Variants in MBTPS1 observed in about 807,000 individuals in gnomAD.
MBTPS1 encodes membrane-bound transcription factor site-1 protease.
In MBTPS1, 94 loss-of-function variants were observed where a neutral mutation model predicts 127.8. The observed-to-expected ratio is 0.74, with a 90% CI of 0.62 to 0.87. The LOEUF (loss-of-function observed/expected upper bound fraction) is 0.87. Among genes scored for constraint, MBTPS1 ranks in the 40% least tolerant of loss-of-function variants. MBTPS1 has a pLI of 0.00. For synonymous variants in MBTPS1, 632 were observed against 509.4 expected (o/e 1.24, Z -3.24); for missense variants, 1,636 against 1,353.2 (o/e 1.21, Z -3.28).
intron 1 of MBTPS1, among the ~76,000 whole-genome samples, chr16:84,114,666 C>T (rs1049994608): frequency 1.8e-4 from 27 of 151,644 alleles, no homozygotes; most frequent in Non-Finnish European, 2.8e-4. Context: ...CCCGTCTCTA[C>T]TAAAAATACA....
intron 19 of MBTPS1, among the ~76,000 whole-genome samples, chr16:84,062,070 C>T (rs185487192): frequency 3.9e-5 from 6 of 152,268 alleles, no homozygotes; most frequent in African/African-American, 1.4e-4. Flanking sequence ...GGAAATAAAA[C>T]ATTAACCTCC....
intron 4 of MBTPS1, among the ~76,000 whole-genome samples, chr16:84,094,483 T>C (rs2086152679): frequency 6.6e-6 from 1 of 152,136 alleles, no homozygotes; most frequent in African/African-American, 2.4e-5. Flanking sequence ...GAAATACAAC[T>C]GGCCTGTCTG....
intron 8 of MBTPS1, among the ~76,000 whole-genome samples, chr16:84,090,129 G>C (rs2086083265): frequency 6.6e-6 from 1 of 152,058 alleles, no homozygotes; most frequent in Non-Finnish European, 1.5e-5. Flanking sequence ...GCTTCACCTT[G>C]TCTTATGCCC....
chr16:84,086,793 A>AT (rs1283064263), intron 9 of MBTPS1, among the ~76,000 whole-genome samples: 1 of 152,148 alleles, frequency 6.6e-6, no homozygotes, highest in Non-Finnish European at 1.5e-5. Flanking sequence ...CGAGCGTCTA[A>AT]TTTTTCATCA....
At chr16:84,081,515 G>C (rs545032615) in intron 11 of MBTPS1, 4 of 340,366 alleles carry the variant, frequency 1.2e-5, no homozygotes, top group South Asian at 3.0e-4. Flanking sequence ...AAACCACTCA[G>C]AAATCATTAC....
At chr16:84,078,757 G>A (rs191378604) in intron 11 of MBTPS1, among the ~76,000 whole-genome samples, 3 of 152,300 alleles carry the variant, frequency 2.0e-5, no homozygotes, top group Admixed American at 2.0e-4. Flanking sequence ...TTTCCAGGAC[G>A]TTAAGTGAAA....
intron 19 of MBTPS1, among the ~76,000 whole-genome samples, chr16:84,062,846 A>G (rs2085633536): frequency 6.6e-6 from 1 of 152,220 alleles, no homozygotes; most frequent in Admixed American, 6.5e-5. Flanking sequence ...AAAGGCTAAG[A>G]AAAGCCCGAA....
intron 5 of MBTPS1, among the ~76,000 whole-genome samples, 185 bp downstream of exon 5, chr16:84,093,526 C>G (rs2086138761): frequency 6.6e-6 from 1 of 152,186 alleles, no homozygotes; most frequent in Non-Finnish European, 1.5e-5. Flanking sequence ...CCAGGCATGC[C>G]CACTCTCTCC....
At position 84,106,663 on chromosome 16, in the gene MBTPS1, G is replaced by A. The variant is rs148704010; in HGVS notation, c.-324-4556C>T. On this transcript the variant is annotated intron_variant, in intron 1 of 22. Transcript: ENST00000343411. ...TCAGCTTTGATTCTGACTGGGAAGA[G>A]AAAGCATGAGGCAGTCCTGAGCACG... Among the ~76,000 whole-genome samples, 133 of 152,334 alleles carry A rather than the reference G, an allele frequency of 8.7e-4. 2 individuals are homozygous for A. Among genetic ancestry groups the A allele is most frequent in the African/African-American group, 2.9e-3 (122 of 41,578 alleles).
chr16:84,081,601 G>A, intron 11 of MBTPS1, 146 bp downstream of exon 11: 1 of 519,944 alleles, frequency 1.9e-6, no homozygotes, highest in East Asian at 3.2e-5. Flanking sequence ...CCCTGTAGAA[G>A]CAGCAGCAAA....
rs886416380 is a variant in MBTPS1 at position 84,116,776 on chromosome 16, G to C, written c.-366C>G. ...TCAGGGCCGGCGGGCCCGGGATAAC[G>C]GCGCCTCCGCGGCGAACACGCCTGG... On this transcript the variant is annotated 5_prime_UTR_variant, in exon 1 of 23. Coordinates refer to ENST00000343411, the MANE Select transcript of MBTPS1 (RefSeq NM_003791.4). 8 of 152,266 alleles carry C rather than the reference G, an allele frequency of 5.3e-5. No homozygotes were observed. The highest frequency in any genetic ancestry group is 3.9e-4 in the East Asian group (2 of 5,152). The allele number at this position is 152,266 out of a possible 1,614,324, so 9.4% of individuals were successfully genotyped here. A position where few individuals can be genotyped will look rare whatever the true frequency, so the allele number is the denominator to read the frequency against.
chr16:84,093,278 G>A lies in MBTPS1; in HGVS notation c.756C>T (p.Phe252=), dbSNP rs755139841. Residue 252 remains phenylalanine, a synonymous_variant, in exon 6 of 23, where the codon TTC becomes TTT. Transcript: ENST00000343411. ...TCATGCTGGCTATCACACCTGCCACGAATGTGCCATGGCCCAACCCTGCAG... is the reference window on the plus strand; with the variant it reads ...TCATGCTGGCTATCACACCTGCCACAAATGTGCCATGGCCCAACCCTGCAG... The part of the protein sequence containing the change: ...TLDDGLGHGT[F]VAGVIASMRE... The A allele has an allele frequency of 8.7e-6, 14 of 1,613,074 alleles. No individual in the cohort carries two copies. The highest frequency in any genetic ancestry group is 2.2e-5 in the South Asian group (2 of 91,070).
rs75157820 is a variant in MBTPS1, at chr16:84,067,635, C to T, written c.2228+32G>A. ...GGGTAGAATTTGATTCCCCAAAAGTCTTATCCAAATACCAATGCGTATCAA... is the reference window on the plus strand; with the variant it reads ...GGGTAGAATTTGATTCCCCAAAAGTTTTATCCAAATACCAATGCGTATCAA... On this transcript the variant is annotated intron_variant, in intron 16 of 22. Coordinates refer to ENST00000343411, the MANE Select transcript of MBTPS1 (RefSeq NM_003791.4). 3.7e-3 allele frequency: 5,794 copies of T among 1,548,002 alleles called. 27 individuals carry two copies. Among genetic ancestry groups the T allele is most frequent in the Middle Eastern group, 0.021 (126 of 5,888 alleles).
chr16:84,091,909 G>C, intron 6 of MBTPS1, 61 bp from the exon 7 acceptor site: 2 of 948,650 alleles, frequency 2.1e-6, no homozygotes, highest in Non-Finnish European at 1.7e-6. Flanking sequence ...TGCTAGGACA[G>C]TTTTTATTTC....
chr16:84,105,028 G>A (rs368779409), intron 1 of MBTPS1, among the ~76,000 whole-genome samples: 1 of 151,974 alleles, frequency 6.6e-6, no homozygotes, highest in South Asian at 2.1e-4. Context: ...TTTGAACCCA[G>A]GAGGCAGAGG....
chr16:84,086,733 T>C (rs2151159697), intron 9 of MBTPS1: 1 of 152,576 alleles, frequency 6.6e-6, no homozygotes, highest in South Asian at 2.1e-4. Flanking sequence ...GAAGGGCAGA[T>C]GCTCCCCTCG....
At chr16:84,080,363 G>A (rs1389723617) in intron 11 of MBTPS1, among the ~76,000 whole-genome samples, 1 of 152,232 alleles carries the variant, frequency 6.6e-6, no homozygotes, top group Non-Finnish European at 1.5e-5. Context: ...AACCATCAAG[G>A]CATGCTAACA....
chr16:84,067,916 G>A, intron 15 of MBTPS1, 93 bp from the exon 16 acceptor site: 1 of 1,237,296 alleles, frequency 8.1e-7, no homozygotes, highest in Non-Finnish European at 1.1e-6. Flanking sequence ...CATGTCTCAG[G>A]TTACTGACAC....
chr16:84,063,715 T>C (rs112800412), intron 18 of MBTPS1, among the ~76,000 whole-genome samples: 34 of 152,282 alleles, frequency 2.2e-4, no homozygotes, highest in African/African-American at 8.2e-4. Context: ...TGGCAGTACA[T>C]AATATTTACA....
Sources: gnomAD v4.1 joint callset for allele counts (sites outside exome capture counted in the v4.1 genomes callset) on GRCh38, gnomAD v4.1.1 for gene constraint, MANE v1.5 for transcripts, NCBI Gene and HGNC (gene_info 2026-07-23, HGNC 2026-07-21) for gene names.